MMP16: variants seen among roughly 807,000 people sequenced by gnomAD.
The protein encoded by MMP16 is matrix metallopeptidase 16.
Under a neutral mutation model 67.8 loss-of-function variants are expected in MMP16, and 12 were observed. The ratio of observed to expected loss-of-function variants is 0.18; its 90% CI spans 0.11 to 0.29. The LOEUF is 0.29. Ranked by LOEUF, MMP16 falls within the 10% of genes least tolerant of loss-of-function variation. The pLI is 1.00. For synonymous variants in MMP16, 249 were observed against 255.9 expected (o/e 0.97, Z 0.26); for missense variants, 475 against 765.7 (o/e 0.62, Z 4.48).
intron 8 of MMP16, among the ~76,000 whole-genome samples, chr8:88,053,748 T>G (rs1808298534): frequency 6.6e-6 from 1 of 152,172 alleles, no homozygotes; most frequent in Non-Finnish European, 1.5e-5. Context: ...AAATATATAA[T>G]TATATGACTA....
chr8:88,254,030 A>G (rs1388133409), intron 1 of MMP16, among the ~76,000 whole-genome samples: 1 of 152,130 alleles, frequency 6.6e-6, no homozygotes, highest in Non-Finnish European at 1.5e-5. Context: ...TTGTAGCCCT[A>G]TTCACAATAG....
intron 7 of MMP16, among the ~76,000 whole-genome samples, chr8:88,057,703 A>G (rs553876979): frequency 2.2e-4 from 33 of 152,292 alleles, no homozygotes; most frequent in African/African-American, 7.2e-4. Context: ...GGCTAAATTT[A>G]GTTAGGAGTT....
chr8:88,236,751 A>AACCTTT (rs1809947364), intron 1 of MMP16, among the ~76,000 whole-genome samples: 2 of 137,066 alleles, frequency 1.5e-5, no homozygotes, highest in Admixed American at 8.3e-5. Context: ...CTGAAAAATA[A>AACCTTT]CAACAACAAA....
intron 1 of MMP16, among the ~76,000 whole-genome samples, chr8:88,217,981 G>C (rs542322891): frequency 6.6e-6 from 1 of 152,114 alleles, no homozygotes; most frequent in Non-Finnish European, 1.5e-5. Flanking sequence ...AAAGCACTGA[G>C]AGAAGATTAA....
At chr8:88,268,070 C>A (rs1281149946) in intron 1 of MMP16, among the ~76,000 whole-genome samples, 1 of 152,174 alleles carries the variant, frequency 6.6e-6, no homozygotes, top group African/African-American at 2.4e-5. Flanking sequence ...AGGCCGGGAG[C>A]GGTGGCTCGT....
chr8:88,200,674 C>G (rs1345971729), intron 1 of MMP16, among the ~76,000 whole-genome samples: 1 of 151,838 alleles, frequency 6.6e-6, no homozygotes, highest in Admixed American at 6.6e-5. Flanking sequence ...TAAGGACAGG[C>G]AAACAAAATT....
intron 1 of MMP16, among the ~76,000 whole-genome samples, chr8:88,284,144 T>A (rs1017776891): frequency 1.3e-5 from 2 of 152,172 alleles, no homozygotes; most frequent in Non-Finnish European, 2.9e-5. Context: ...TCATTTGAAA[T>A]GGCAACAGAC....
At chr8:88,243,298 G>C (rs1810060034) in intron 1 of MMP16, among the ~76,000 whole-genome samples, 1 of 152,144 alleles carries the variant, frequency 6.6e-6, no homozygotes. Context: ...GCATGATTTA[G>C]GGAAGCATTT....
At chr8:88,206,374 G>C (rs551882938) in intron 1 of MMP16, among the ~76,000 whole-genome samples, 1 of 152,286 alleles carries the variant, frequency 6.6e-6, no homozygotes, top group South Asian at 2.1e-4. Context: ...GCCACTGTTT[G>C]TGTGGAGATT....
intron 1 of MMP16, among the ~76,000 whole-genome samples, chr8:88,250,737 G>A (rs1040202612): frequency 6.0e-5 from 9 of 150,448 alleles, no homozygotes; most frequent in African/African-American, 1.7e-4. Flanking sequence ...TAATTCTTTG[G>A]TGTAGTCTTC....
At chr8:88,174,897 G>C (rs901178813) in intron 3 of MMP16, among the ~76,000 whole-genome samples, 2 of 151,950 alleles carry the variant, frequency 1.3e-5, no homozygotes, top group Non-Finnish European at 2.9e-5. Flanking sequence ...GGGATAAAAC[G>C]CACGCGCCAC....
At chr8:88,218,581 T>C (rs1276271009) in intron 1 of MMP16, among the ~76,000 whole-genome samples, 3 of 152,074 alleles carry the variant, frequency 2.0e-5, no homozygotes, top group African/African-American at 4.8e-5. Flanking sequence ...TATCAAAACA[T>C]CATGTTGCAT....
chr8:88,203,228 C>A (rs1586203071), intron 1 of MMP16, among the ~76,000 whole-genome samples: 1 of 151,430 alleles, frequency 6.6e-6, no homozygotes, highest in Non-Finnish European at 1.5e-5. Flanking sequence ...CTCAGCCTCC[C>A]GAGTAGGTGG....
At chr8:88,230,347 G>A (rs1431506383) in intron 1 of MMP16, among the ~76,000 whole-genome samples, 3 of 151,968 alleles carry the variant, frequency 2.0e-5, no homozygotes, top group Admixed American at 1.3e-4. Flanking sequence ...AAAATATAGC[G>A]AAAACCTAAC....
chr8:88,105,371 T>A (rs566338164), intron 6 of MMP16, among the ~76,000 whole-genome samples: 1 of 151,634 alleles, frequency 6.6e-6, no homozygotes, highest in South Asian at 2.1e-4. Flanking sequence ...CTATGCACAT[T>A]CTCCTGTTTG....
At chr8:88,190,804 A>G (rs1809158947) in intron 2 of MMP16, among the ~76,000 whole-genome samples, 3 of 152,104 alleles carry the variant, frequency 2.0e-5, no homozygotes, top group Non-Finnish European at 4.4e-5. Context: ...AAAGCTTTCA[A>G]TAATGTTATT....
chr8:88,041,586 T>C lies in MMP16; in HGVS notation c.1699A>G (p.Ile567Val). The change falls in exon 10 of 10, where the codon ATT becomes GTT. Residue 567 changes from isoleucine (I) to valine (V), a missense_variant. This residue lies in a region of MMP16 where 80 missense variants were observed against 93.4 expected (regional missense o/e 0.86). Transcript: ENST00000286614. This position sits in a 1 kb window ranked among gnomAD's most constrained non-coding sequence, Gnocchi z 6.0. ...AAGGCCAAGATGCAGGGAATGACAA[T>C]AGCTATGGCTTTCACAGTGCTGGCT... ...NTASTVKAIA[I>V]VIPCILALCL... 3 of 1,614,110 alleles carry C rather than the reference T, an allele frequency of 1.9e-6. No homozygotes were observed. Among genetic ancestry groups the C allele is most frequent in the East Asian group, 4.5e-5 (2 of 44,882 alleles).
intron 4 of MMP16, among the ~76,000 whole-genome samples, chr8:88,158,116 G>T (rs1808546614): frequency 6.6e-6 from 1 of 151,884 alleles, no homozygotes; most frequent in African/African-American, 2.4e-5. Context: ...ATTGTGAATA[G>T]TGCCACAATA....
chr8:88,325,904 T>C (rs527311470), intron 1 of MMP16, among the ~76,000 whole-genome samples: 45 of 152,340 alleles, frequency 3.0e-4, no homozygotes, highest in African/African-American at 1.0e-3. Context: ...AATATGCCTT[T>C]ACACATGGCA....
Sources: allele counts gnomAD v4.1 joint callset (sites outside exome capture counted in the v4.1 genomes callset), GRCh38; gene constraint gnomAD v4.1.1; regional missense constraint gnomAD v4.1.1; non-coding constraint Gnocchi (gnomAD v3.1); transcripts MANE v1.5; gene names NCBI Gene and HGNC (gene_info 2026-07-23, HGNC 2026-07-21).